NLGN1: variants seen among roughly 807,000 people sequenced by gnomAD.
NLGN1 encodes neuroligin-1.
Under a neutral mutation model 65.5 loss-of-function variants are expected in NLGN1, and 12 were observed. The observed-to-expected ratio is 0.18, with a 90% CI of 0.12 to 0.30. NLGN1 has a LOEUF of 0.30. Among genes scored for constraint, NLGN1 ranks in the 10% least tolerant of loss-of-function variants. The pLI, the probability that NLGN1 is intolerant of heterozygous loss-of-function variation, is 1.00. For synonymous variants in NLGN1, 350 were observed against 359.5 expected, an observed-to-expected ratio of 0.97 and a Z score of 0.30; for missense variants, 750 against 1,007.1, an observed-to-expected ratio of 0.74 and a Z score of 3.46.
chr3:173,807,249 A>C (rs1716863443), intron 3 of NLGN1, among the ~76,000 whole-genome samples: 1 of 152,172 alleles, frequency 6.6e-6, no homozygotes. Context: ...AGAAAGGTTA[A>C]ACAGATTCTT....
chr3:173,996,029 T>C (rs1393718906), intron 4 of NLGN1, among the ~76,000 whole-genome samples: 7 of 152,294 alleles, frequency 4.6e-5, no homozygotes, highest in African/African-American at 1.7e-4. Flanking sequence ...TAGTTTGTTT[T>C]AAAATATCAA....
At chr3:173,659,507 A>G (rs552249767) in intron 3 of NLGN1, among the ~76,000 whole-genome samples, 153 of 152,078 alleles carry the variant, frequency 1.0e-3, no homozygotes, top group Non-Finnish European at 1.7e-3. Context: ...GGAGTCATTT[A>G]AAAGGCAAGT....
intron 4 of NLGN1, among the ~76,000 whole-genome samples, chr3:174,220,238 C>G (rs1234793525): frequency 6.6e-6 from 1 of 152,002 alleles, no homozygotes; most frequent in Non-Finnish European, 1.5e-5. Flanking sequence ...AAAAACATAA[C>G]AAAGGAAAGT....
intron 4 of NLGN1, among the ~76,000 whole-genome samples, chr3:173,909,674 A>T (rs1739181954): frequency 6.6e-6 from 1 of 152,018 alleles, no homozygotes; most frequent in Admixed American, 6.6e-5. Flanking sequence ...TTATTTATTT[A>T]TTCATTTACT....
intron 4 of NLGN1, among the ~76,000 whole-genome samples, chr3:173,815,237 A>G (rs1718793821): frequency 6.6e-6 from 1 of 151,516 alleles, no homozygotes; most frequent in Non-Finnish European, 1.5e-5. Context: ...CAGCCTCCCA[A>G]GTAGGTACTA....
chr3:173,991,541 G>A (rs900206760), intron 4 of NLGN1, among the ~76,000 whole-genome samples: 4 of 152,126 alleles, frequency 2.6e-5, no homozygotes, highest in Non-Finnish European at 5.9e-5. Context: ...TTGATATGTG[G>A]TTTGTGTAAC....
At chr3:173,833,670 C>G (rs1007341605) in intron 4 of NLGN1, among the ~76,000 whole-genome samples, 9 of 152,070 alleles carry the variant, frequency 5.9e-5, no homozygotes, top group African/African-American at 2.2e-4. Flanking sequence ...GGGCATGCAC[C>G]ACCACACCCT....
chr3:174,157,883 A>G (rs1455772575), intron 4 of NLGN1, among the ~76,000 whole-genome samples: 2 of 151,788 alleles, frequency 1.3e-5, no homozygotes, highest in Non-Finnish European at 2.9e-5. Context: ...TTCCACCCTT[A>G]GAACACTCAC....
intron 4 of NLGN1, among the ~76,000 whole-genome samples, chr3:173,880,438 G>A: frequency 6.6e-6 from 1 of 151,392 alleles, no homozygotes; most frequent in Non-Finnish European, 1.5e-5. Context: ...TTGTGTTTCA[G>A]TTCCAGACTA....
chr3:173,540,059 G>A (rs1738571777), intron 2 of NLGN1, among the ~76,000 whole-genome samples: 1 of 151,676 alleles, frequency 6.6e-6, no homozygotes, highest in Non-Finnish European at 1.5e-5. Flanking sequence ...GGTGGCTTCT[G>A]GTTAAGTGTT....
chr3:173,836,116 T>C (rs552704052), intron 4 of NLGN1, among the ~76,000 whole-genome samples: 33 of 152,190 alleles, frequency 2.2e-4, no homozygotes, highest in African/African-American at 7.9e-4. Context: ...TTCAAAATGG[T>C]TAAGATGAAT....
chr3:174,182,701 A>G (rs1204353329), intron 4 of NLGN1, among the ~76,000 whole-genome samples: 1 of 152,160 alleles, frequency 6.6e-6, no homozygotes, highest in African/African-American at 2.4e-5. Context: ...AGACTTCATG[A>G]AAGTAGTAAA....
chr3:173,661,395 G>C (rs9290476), intron 3 of NLGN1, among the ~76,000 whole-genome samples: 7 of 151,730 alleles, frequency 4.6e-5, no homozygotes, highest in African/African-American at 2.4e-5. Context: ...CTCATAGGTG[G>C]GAGCATTTGG....
At chr3:173,762,330 T>G (rs1361491240) in intron 3 of NLGN1, among the ~76,000 whole-genome samples, 1 of 152,098 alleles carries the variant, frequency 6.6e-6, no homozygotes, top group Non-Finnish European at 1.5e-5. Flanking sequence ...AGCAGTTTAC[T>G]ATAACACTAG....
At chr3:173,411,521 A>AT (rs1466669232) in intron 1 of NLGN1, among the ~76,000 whole-genome samples, 17 of 152,194 alleles carry the variant, frequency 1.1e-4, no homozygotes, top group Non-Finnish European at 1.5e-5. Context: ...GTCAAGGTCC[A>AT]TTAGAAGTAG....
chr3:173,447,241 A>G (rs1419159585), intron 2 of NLGN1, among the ~76,000 whole-genome samples: 1 of 152,184 alleles, frequency 6.6e-6, no homozygotes, highest in African/African-American at 2.4e-5. Context: ...TAATTTTTGT[A>G]TAAGGTGTAA....
intron 4 of NLGN1, among the ~76,000 whole-genome samples, chr3:174,120,517 T>A (rs887977528): frequency 6.6e-5 from 10 of 150,756 alleles, no homozygotes; most frequent in Non-Finnish European, 1.2e-4. Context: ...AAAAAAAAAA[T>A]AAAAATAAAA....
intron 4 of NLGN1, among the ~76,000 whole-genome samples, chr3:173,952,068 C>A (rs1290930022): frequency 6.6e-6 from 1 of 152,034 alleles, no homozygotes; most frequent in Non-Finnish European, 1.5e-5. Flanking sequence ...ATAAGGACAC[C>A]ATTTTTATGT....
At chr3:173,689,975 A>C (rs1765227608) in intron 3 of NLGN1, among the ~76,000 whole-genome samples, 1 of 152,158 alleles carries the variant, frequency 6.6e-6, no homozygotes, top group South Asian at 2.1e-4. Flanking sequence ...AGTAAACATA[A>C]CATTAAGGTA....
Sources: gnomAD v4.1 joint callset for allele counts (sites outside exome capture counted in the v4.1 genomes callset) on GRCh38, gnomAD v4.1.1 for gene constraint, MANE v1.5 for transcripts, NCBI Gene and HGNC (gene_info 2026-07-23, HGNC 2026-07-21) for gene names.